ACSBG1: variants seen among roughly 807,000 people sequenced by gnomAD.
The protein encoded by ACSBG1 is long-chain-fatty-acid--CoA ligase ACSBG1.
ACSBG1 carries 39 observed loss-of-function variants against 80.2 expected under a neutral mutation model. The ratio of observed to expected loss-of-function variants is 0.49; its 90% CI spans 0.38 to 0.64. ACSBG1 has a LOEUF of 0.64. Among genes scored for constraint, ACSBG1 ranks in the 30% least tolerant of loss-of-function variants. The probability of loss-of-function intolerance (pLI) is 0.00; values close to 1 mark genes in which losing one functional copy is unlikely to be tolerated. For missense variants in ACSBG1, 828 were observed against 966.4 expected (o/e 0.86, Z 1.90); for synonymous variants, 392 against 379.5 (o/e 1.03, Z -0.38).
intron 2 of ACSBG1, among the ~76,000 whole-genome samples, chr15:78,205,707 G>A (rs933018665): frequency 3.9e-5 from 6 of 152,308 alleles, no homozygotes; most frequent in East Asian, 1.9e-4. Flanking sequence ...CTTATTCAGG[G>A]CACAACTGTG....
chr15:78,208,400 T>A (rs1014358802), intron 1 of ACSBG1, among the ~76,000 whole-genome samples: 2 of 152,040 alleles, frequency 1.3e-5, no homozygotes, highest in African/African-American at 4.8e-5. Context: ...CCTGGGCAAG[T>A]TCATGCCTCT....
intron 1 of ACSBG1, among the ~76,000 whole-genome samples, chr15:78,230,387 C>A (rs898768373): frequency 6.6e-6 from 1 of 152,196 alleles, no homozygotes; most frequent in South Asian, 2.1e-4. Context: ...TCTCAGCCTC[C>A]CCTTTCTTCC....
At chr15:78,187,804 T>A (rs375045659) in intron 5 of ACSBG1, among the ~76,000 whole-genome samples, 3,453 of 151,884 alleles carry the variant, frequency 0.023, 123 homozygotes, top group African/African-American at 0.077. Flanking sequence ...TATTCAACAT[T>A]GTGTTGGAAG....
chr15:78,233,228 C>T (rs2075463025), intron 1 of ACSBG1, among the ~76,000 whole-genome samples: 1 of 152,232 alleles, frequency 6.6e-6, no homozygotes, highest in Admixed American at 6.5e-5. Context: ...AGAGTCCCTG[C>T]TTCTGGAAGA....
chr15:78,207,800 C>G, intron 2 of ACSBG1: 1 of 586,594 alleles, frequency 1.7e-6, no homozygotes, highest in Non-Finnish European at 3.0e-6. Flanking sequence ...ATCCCTCATT[C>G]CTTTCCATCA....
At chr15:78,200,061 T>C (rs547275480) in intron 2 of ACSBG1, among the ~76,000 whole-genome samples, 1 of 152,292 alleles carries the variant, frequency 6.6e-6, no homozygotes, top group Non-Finnish European at 1.5e-5. Context: ...GTGTTTAAAA[T>C]CTTGATGGAC....
intron 5 of ACSBG1, 40 bp from the exon 6 acceptor site, chr15:78,182,825 A>G (rs778395347): frequency 1.1e-5 from 18 of 1,606,758 alleles, no homozygotes; most frequent in Non-Finnish European, 1.5e-5. Flanking sequence ...TCAGTAAGAG[A>G]AATGTCACCT....
At chr15:78,233,793 T>A (rs1178777106) in intron 1 of ACSBG1, among the ~76,000 whole-genome samples, 2 of 152,226 alleles carry the variant, frequency 1.3e-5, no homozygotes, top group Non-Finnish European at 2.9e-5. Context: ...ACTCCCTGGA[T>A]GGACAGGGCC....
chr15:78,208,150 ACCGGCCTGGGCTTAGGGACT>A, intron 1 of ACSBG1, 48 bp from the exon 2 acceptor site: 1 of 1,497,598 alleles, frequency 6.7e-7, no homozygotes, highest in African/African-American at 1.4e-5. Context: ...AACGTGGGGG[ACCGGCCTGGGCTTAGGGACT>A]CCGGCCTGGC....
intron 2 of ACSBG1, among the ~76,000 whole-genome samples, chr15:78,197,771 G>A (rs2075128747): frequency 6.7e-6 from 1 of 149,448 alleles, no homozygotes; most frequent in South Asian, 2.1e-4. Context: ...ACAAAGTGGT[G>A]CAAGAATCTT....
At chr15:78,173,135 C>T (rs186205101) in intron 13 of ACSBG1, among the ~76,000 whole-genome samples, 27 of 152,164 alleles carry the variant, frequency 1.8e-4, no homozygotes, top group Admixed American at 3.9e-4. Flanking sequence ...CACCTGAGGT[C>T]GGGAGTTCGA....
At chr15:78,191,627 C>T (rs1460792164) in intron 5 of ACSBG1, among the ~76,000 whole-genome samples, 1 of 152,142 alleles carries the variant, frequency 6.6e-6, no homozygotes, top group Non-Finnish European at 1.5e-5. Flanking sequence ...TTTTGCTACA[C>T]CTAATAAAAT....
At chr15:78,218,335 C>A (rs1233065821) in intron 1 of ACSBG1, among the ~76,000 whole-genome samples, 1 of 152,038 alleles carries the variant, frequency 6.6e-6, no homozygotes, top group African/African-American at 2.4e-5. Flanking sequence ...ATTGTGGGGG[C>A]ATTGTGCTCT....
At chr15:78,190,290 T>C (rs1341229140) in intron 5 of ACSBG1, among the ~76,000 whole-genome samples, 3 of 41,746 alleles carry the variant, frequency 7.2e-5, no homozygotes, top group African/African-American at 1.1e-4. Context: ...TTTACTTCTA[T>C]AGAGGTTATA....
At chr15:78,197,719 TAAAAAAA>T (rs746712543) in intron 2 of ACSBG1, among the ~76,000 whole-genome samples, 45 of 103,346 alleles carry the variant, frequency 4.4e-4, no homozygotes, top group African/African-American at 1.6e-3. Flanking sequence ...ACTCTGTCTT[TAAAAAAA>T]AAAAAAAAAA....
At chr15:78,209,002 C>T (rs2075243895) in intron 1 of ACSBG1, 1 of 377,522 alleles carries the variant, frequency 2.6e-6, no homozygotes, top group Non-Finnish European at 5.3e-6. Flanking sequence ...AAACAGAATC[C>T]ACTGGAGTTG....
Position 78,170,988 on chromosome 15 carries a change from C to G in ACSBG1, c.*456G>C, listed in dbSNP as rs1208733760. On this transcript the variant is annotated 3_prime_UTR_variant, in exon 14 of 14. Transcript: ENST00000258873. ...ATGGAATAATAGGGTCGGCGATGCC[C>G]GCCAAGATTCCAGAGTAAGTCAGGT... is the stretch of plus-strand genomic sequence containing the variant. The G allele has an allele frequency of 6.5e-6, 1 of 153,664 alleles. No homozygotes were observed. Among genetic ancestry groups the G allele is most frequent in the East Asian group, 1.9e-4 (1 of 5,218 alleles). The allele number at this position is 153,664 out of a possible 1,614,324, so 9.5% of individuals were successfully genotyped here.
intron 1 of ACSBG1, among the ~76,000 whole-genome samples, chr15:78,233,394 G>A (rs2075465046): frequency 6.6e-6 from 1 of 152,166 alleles, no homozygotes; most frequent in South Asian, 2.1e-4. Flanking sequence ...CAGGACAGGG[G>A]CTGTAGTCTT....
intron 1 of ACSBG1, among the ~76,000 whole-genome samples, chr15:78,229,503 CT>C (rs2075429872): frequency 1.3e-5 from 2 of 152,324 alleles, no homozygotes; most frequent in African/African-American, 4.8e-5. Flanking sequence ...TGGGAAAGCT[CT>C]GTCAGTGGGA....
Sources: gnomAD v4.1 joint callset for allele counts (sites outside exome capture counted in the v4.1 genomes callset) on GRCh38, gnomAD v4.1.1 for gene constraint, MANE v1.5 for transcripts, NCBI Gene and HGNC (gene_info 2026-07-23, HGNC 2026-07-21) for gene names.